The following MPC2 variants were observed in gnomAD, a reference collection of about 807,000 sequenced individuals.
MPC2 encodes the protein brain protein 44.
MPC2 carries 19 observed loss-of-function variants against 19.2 expected under a neutral mutation model. The ratio of observed to expected loss-of-function variants is 0.99; its 90% CI spans 0.69 to 1.45. The LOEUF is 1.45. Ranked by LOEUF, MPC2 falls within the 40% of genes most tolerant of loss-of-function variation. The probability of loss-of-function intolerance (pLI) is 0.00; values close to 1 mark genes in which losing one functional copy is unlikely to be tolerated. For synonymous variants in MPC2, 61 were observed against 54.3 expected (o/e 1.12, Z -0.54); for missense variants, 122 against 153.0 (o/e 0.80, Z 1.07).
chr1:167,918,774 T>C (rs1170055360), intron 5 of MPC2, among the ~76,000 whole-genome samples: 5 of 151,904 alleles, frequency 3.3e-5, no homozygotes, highest in Non-Finnish European at 5.9e-5. Flanking sequence ...TTTGTATTTT[T>C]AGTAGAGATG....
At position 167,917,124 on chromosome 1, in the gene MPC2, C is replaced by CTTT. The variant is rs954049373; in HGVS notation, c.*1196_*1198dup. 11 of 152,152 alleles carry CTTT rather than the reference C, an allele frequency of 7.2e-5. No homozygotes were observed. Among genetic ancestry groups the CTTT allele is most frequent in the Non-Finnish European group, 1.3e-4 (9 of 68,012 alleles). 9.4% of individuals were successfully genotyped at this position (152,152 alleles called of 1,614,324 possible). The stretch of plus-strand genomic sequence containing the variant: ...TTAATGAGGACTGGCTTTATTAGCA[C>CTTT]TTTTAGAAAAAAAGCTCTGCACTCC... On this transcript the variant is annotated 3_prime_UTR_variant, in exon 6 of 6. Coordinates refer to ENST00000271373, the MANE Select transcript of MPC2 (RefSeq NM_001143674.4).
At chr1:167,936,737 C>T (rs1386997240) in intron 1 of MPC2, 6 of 601,606 alleles carry the variant, frequency 1.0e-5, no homozygotes, top group South Asian at 8.0e-5. Context: ...GGCCCGGGTG[C>T]GGCCGGGCTT....
intron 4 of MPC2, among the ~76,000 whole-genome samples, 173 bp from the exon 5 acceptor site, chr1:167,920,263 T>C (rs73024121): frequency 0.019 from 2,918 of 152,286 alleles, 65 homozygotes; most frequent in African/African-American, 0.049. Context: ...AATACTCAAT[T>C]CTTACATGAA....
intron 1 of MPC2, 37 bp from the exon 2 acceptor site, chr1:167,935,935 C>G: frequency 1.1e-6 from 1 of 934,648 alleles, no homozygotes; most frequent in Non-Finnish European, 1.7e-6. Flanking sequence ...TTTCCTGCCA[C>G]GACGACTCGC....
chr1:167,927,005 A>G (rs1225887280), intron 2 of MPC2, among the ~76,000 whole-genome samples: 1 of 152,228 alleles, frequency 6.6e-6, no homozygotes, highest in Non-Finnish European at 1.5e-5. Context: ...TTATTTATGC[A>G]TCTGTCACAT....
intron 5 of MPC2, among the ~76,000 whole-genome samples, chr1:167,918,569 A>G (rs774438958): frequency 9.2e-5 from 14 of 151,504 alleles, no homozygotes; most frequent in African/African-American, 3.4e-4. Context: ...TTTGTTTCAG[A>G]TAATAAGAGC....
Position 167,931,581 on chromosome 1 carries a change from G to A in MPC2, c.109+4152C>T, listed in dbSNP as rs372753936. ...TATATGGACATATATTAATATCTTA[G>A]ACTGGCATTAAGATTCTTCACTGAC... On this transcript the variant is annotated intron_variant, in intron 2 of 5. Coordinates refer to ENST00000271373, the MANE Select transcript of MPC2 (RefSeq NM_001143674.4). 1.4e-4 allele frequency among the ~76,000 whole-genome samples: 22 copies of A among 151,750 alleles called. No individual in the cohort carries two copies. In the East Asian group the frequency reaches 4.1e-3, roughly 28 times the overall value.
chr1:167,936,897 G>A, intron 1 of MPC2, 42 bp downstream of exon 1: 2 of 1,278,906 alleles, frequency 1.6e-6, no homozygotes, highest in Non-Finnish European at 1.1e-6. Context: ...CCTCCCACCC[G>A]GCTCAGGCAG....
At chr1:167,932,480 C>A (rs1670937608) in intron 2 of MPC2, among the ~76,000 whole-genome samples, 1 of 152,158 alleles carries the variant, frequency 6.6e-6, no homozygotes, top group Admixed American at 6.5e-5. Context: ...CACTCCTCCA[C>A]TGATAATTTT....
chr1:167,923,335 T>TA lies in MPC2; in HGVS notation c.150+1161dup, dbSNP rs1209604097. The stretch of plus-strand genomic sequence containing the variant: ...ATATAGAAGAATAAACAAAATGTGG[T>TA]AAATACATACAATGGAATGCTATTC... On this transcript the variant is annotated intron_variant, in intron 3 of 5. Coordinates refer to ENST00000271373, the MANE Select transcript of MPC2 (RefSeq NM_001143674.4). Among the ~76,000 whole-genome samples the TA allele has an allele frequency of 1.3e-4, 20 of 152,216 alleles. No homozygotes were observed. In the East Asian group the frequency reaches 3.7e-3, roughly 28 times the overall value.
In MPC2 at chr1:167,921,484, A is replaced by C. The variant is rs530232546; in HGVS notation, c.151-853T>G. On this transcript the variant is annotated intron_variant, in intron 3 of 5. Transcript: ENST00000271373. ...TGATCCGCCCGCCTCAACCTCCCAA[A>C]GTGCTGGGATTACAGGTGTGAGCCA... is the stretch of plus-strand genomic sequence containing the variant. 3.9e-5 allele frequency among the ~76,000 whole-genome samples: 6 copies of C among 152,276 alleles called. No homozygotes were observed. The East Asian group carries it at 1.2e-3, about 29-fold the overall frequency.
rs1206909776 is a variant in MPC2, at chr1:167,935,764, C to T, written c.78G>A (p.Glu26=). ...LLDKVELMLP[E]KLRPLYNHPA... ...GATGGTTGTACAACGGCCTCAATTT[C>T]TCGGGCAGCATCAGCTCCACTTTAT... Residue 26 remains glutamate (E), a synonymous_variant, in exon 2 of 6, where the codon GAG becomes GAA. Coordinates refer to ENST00000271373, the MANE Select transcript of MPC2 (RefSeq NM_001143674.4). 1 of 1,565,322 alleles carries T rather than the reference C, an allele frequency of 6.4e-7. No homozygotes were observed. The highest frequency in any genetic ancestry group is 1.2e-5 in the South Asian group (1 of 85,164).
rs147637651 is a variant in MPC2 at position 167,933,349 on chromosome 1, T to C, written c.109+2384A>G. ...CACCCGGCTAATTTTTGTATTTTAG[T>C]AGAGATAGGGTTTCATCATGTTGGT... is the stretch of plus-strand genomic sequence containing the variant. On this transcript the variant is annotated intron_variant, in intron 2 of 5. Coordinates refer to ENST00000271373, the MANE Select transcript of MPC2 (RefSeq NM_001143674.4). 4.5e-3 allele frequency among the ~76,000 whole-genome samples: 688 copies of C among 152,208 alleles called. 4 individuals are homozygous for C. Among genetic ancestry groups the C allele is most frequent in the African/African-American group, 0.015 (643 of 41,514 alleles).
chr1:167,936,888 C>T (rs753029225), intron 1 of MPC2, 51 bp downstream of exon 1: 3 of 1,568,838 alleles, frequency 1.9e-6, no homozygotes, highest in South Asian at 2.3e-5. Context: ...GTGGTCTCCC[C>T]TCCCACCCGG....
At chr1:167,936,613 T>A in intron 1 of MPC2, 2 of 302,666 alleles carry the variant, frequency 6.6e-6, no homozygotes, top group Non-Finnish European at 1.2e-5. Context: ...GAGGGAGGAG[T>A]CGCCATCGCC....
intron 3 of MPC2, among the ~76,000 whole-genome samples, chr1:167,923,640 A>G (rs1157841018): frequency 6.6e-6 from 1 of 152,084 alleles, no homozygotes; most frequent in Non-Finnish European, 1.5e-5. Flanking sequence ...ACTTAACGCT[A>G]CTGAACTGTA....
chr1:167,933,306 T>G (rs951447895), intron 2 of MPC2, among the ~76,000 whole-genome samples: 4 of 151,768 alleles, frequency 2.6e-5, no homozygotes, highest in Admixed American at 2.0e-4. Context: ...TAGCTGAGAT[T>G]ACTGGCACCC....
At chr1:167,936,910 C>G in intron 1 of MPC2, 29 bp downstream of exon 1, 1 of 1,599,696 alleles carries the variant, frequency 6.3e-7, no homozygotes, top group Non-Finnish European at 8.5e-7. Context: ...TCAGGCAGAG[C>G]CATGTCTCGG....
chr1:167,936,006 G>GCTGCGGC (rs1247139130), intron 1 of MPC2, 108 bp from the exon 2 acceptor site: 1 of 620,920 alleles, frequency 1.6e-6, no homozygotes, highest in Non-Finnish European at 2.8e-6. Flanking sequence ...GAACCGAAAA[G>GCTGCGGC]CTGCGGCCCG....
Sources: allele counts gnomAD v4.1 joint callset (sites outside exome capture counted in the v4.1 genomes callset), GRCh38; gene constraint gnomAD v4.1.1; transcripts MANE v1.5; gene names NCBI Gene and HGNC (gene_info 2026-07-23, HGNC 2026-07-21).